The following IFI6 variants were observed in gnomAD, a reference collection of about 807,000 sequenced individuals.
The protein encoded by IFI6 is interferon alpha-inducible protein 6.
In IFI6, 10 loss-of-function variants were observed where a neutral mutation model predicts 12.7. The observed-to-expected ratio is 0.79, with a 90% CI of 0.49 to 1.33. The LOEUF is 1.33. Among genes scored for constraint, IFI6 ranks in the 40% most tolerant of loss-of-function variants. The probability of loss-of-function intolerance (pLI) is 0.00; values close to 1 mark genes in which losing one functional copy is unlikely to be tolerated. For synonymous variants in IFI6, 89 were observed against 86.2 expected (o/e 1.03, Z -0.18); for missense variants, 154 against 180.4 (o/e 0.85, Z 0.84).
rs1055953548 is a variant in IFI6, at chr1:27,666,261, G to A, written c.*120C>T. On this transcript the variant is annotated 3_prime_UTR_variant, in exon 5 of 5. Coordinates refer to ENST00000361157, the MANE Select transcript of IFI6 (RefSeq NM_002038.4). ...ATCTGTGAATAGCCACTGCACTCTA[G>A]CCTGGACAATATAGTGAGAACCCAT... 1 of 598,154 alleles carries A rather than the reference G, an allele frequency of 1.7e-6. No individual in the cohort carries two copies. Among genetic ancestry groups the A allele is most frequent in the Non-Finnish European group, 2.7e-6 (1 of 368,710 alleles). 37.1% of individuals were successfully genotyped at this position (598,154 alleles called of 1,614,324 possible).
chr1:27,667,272 AGT>A lies in IFI6; in HGVS notation c.299-799_299-798del, dbSNP rs2090359465. Among the ~76,000 whole-genome samples, 5 of 141,318 alleles carry A rather than the reference AGT, an allele frequency of 3.5e-5. 1 individual carries two copies. The Middle Eastern group carries it at 0.017, about 491-fold the overall frequency. 92.7% of individuals were successfully genotyped at this position (141,318 alleles called of 152,430 possible). Reference sequence around the variant, plus strand: ...AAAAAAAAAAAAAAAAAAAAAAGCCAGTGTGTGGCGGTATGCGCCTATAGTCC... The same window carrying A: ...AAAAAAAAAAAAAAAAAAAAAAGCCAGTGTGGCGGTATGCGCCTATAGTCC... On this transcript the variant is annotated intron_variant, in intron 4 of 4. Transcript: ENST00000361157.
Position 27,668,310 on chromosome 1 carries a change from C to T in IFI6, c.214G>A (p.Ala72Thr). Residue 72 changes from alanine to threonine, a missense_variant, in exon 4 of 5, where the codon GCT (alanine) becomes ACT (threonine). Transcript: ENST00000361157. ...GCAGACCAGCTCATCAGCGAGGCAG[C>T]CACCGAGTTGGCCGCGATGCCGGCG... ...TGAGIAANSV[A>T]ASLMSWSAIL... is the part of the protein sequence containing the mutation. 1 of 1,578,602 alleles carries T rather than the reference C, an allele frequency of 6.3e-7. No individual in the cohort carries two copies. Among genetic ancestry groups the T allele is most frequent in the South Asian group, 1.1e-5 (1 of 87,340 alleles).
chr1:27,671,715 A>G (rs1032918375), intron 1 of IFI6, among the ~76,000 whole-genome samples: 1 of 152,110 alleles, frequency 6.6e-6, no homozygotes, highest in African/African-American at 2.4e-5. Flanking sequence ...CAACCACTCC[A>G]GATGGCTTCA....
chr1:27,671,665 C>T (rs1323234091), intron 1 of IFI6, among the ~76,000 whole-genome samples: 1 of 151,362 alleles, frequency 6.6e-6, no homozygotes, highest in South Asian at 2.1e-4. Flanking sequence ...GGATTACAGG[C>T]GTGAACCACC....
intron 1 of IFI6, among the ~76,000 whole-genome samples, chr1:27,671,406 A>C (rs1044144873): frequency 3.0e-4 from 36 of 120,658 alleles, no homozygotes; most frequent in Non-Finnish European, 4.4e-4. Flanking sequence ...TTTGAGATGG[A>C]GTCTTTCTCT....
chr1:27,668,382 G>A lies in IFI6; in HGVS notation c.149-7C>T. On this transcript the variant is annotated splice_polypyrimidine_tract_variant and splice_region_variant and intron_variant, in intron 3 of 4. Transcript: ENST00000361157. ...AGCCCGGCGACTGCGAGTCCTGGAG[G>A]AACAGGAGCAGGTGAGGGAGCGTCC... 1 of 1,571,490 alleles carries A rather than the reference G, an allele frequency of 6.4e-7. No individual in the cohort carries two copies. Among genetic ancestry groups the A allele is most frequent in the Non-Finnish European group, 8.6e-7 (1 of 1,157,500 alleles).
chr1:27,667,387 C>A (rs945287634), intron 4 of IFI6, among the ~76,000 whole-genome samples: 1 of 151,958 alleles, frequency 6.6e-6, no homozygotes, highest in African/African-American at 2.4e-5. Context: ...TGCATTCCAA[C>A]CTGGCAGTGT....
chr1:27,666,383 ACTC>A lies in IFI6; in HGVS notation c.388_390del (p.Glu130del). 1.9e-6 allele frequency: 3 copies of A among 1,603,816 alleles called. No homozygotes were observed. The highest frequency in any genetic ancestry group is 2.6e-6 in the Non-Finnish European group (3 of 1,173,664). ...GAAGAGGTTCTGGGAGCTGCTGGCT[ACTC>A]CTCATCCTCCTCACTATCGAGATAC... On this transcript the variant is annotated inframe_deletion, in exon 5 of 5. Coordinates refer to ENST00000361157, the MANE Select transcript of IFI6 (RefSeq NM_002038.4).
chr1:27,670,612 T>G (rs1571435243), intron 1 of IFI6, among the ~76,000 whole-genome samples: 1 of 152,278 alleles, frequency 6.6e-6, no homozygotes, highest in East Asian at 1.9e-4. Flanking sequence ...TTATGGATAT[T>G]ACAAATGCTC....
In IFI6 at chr1:27,668,425, C is replaced by T. The variant is rs373346048; in HGVS notation, c.148+33G>A. The T allele has an allele frequency of 2.4e-4, 387 of 1,596,584 alleles. 6 individuals are homozygous for T. In the South Asian group the frequency reaches 3.7e-3, roughly 15 times the overall value. ...GAGCGTCCGCGGCAGAGGCCCGCCCCGCCTGCCCGAGATCCTCGCCCTCCA... is the reference window on the plus strand; with the variant it reads ...GAGCGTCCGCGGCAGAGGCCCGCCCTGCCTGCCCGAGATCCTCGCCCTCCA... On this transcript the variant is annotated intron_variant, in intron 3 of 4. Coordinates refer to ENST00000361157, the MANE Select transcript of IFI6 (RefSeq NM_002038.4).
chr1:27,667,797 G>A (rs553460840), intron 4 of IFI6, among the ~76,000 whole-genome samples: 3 of 152,318 alleles, frequency 2.0e-5, no homozygotes, highest in Admixed American at 6.5e-5. Context: ...CTGGCCGGAC[G>A]CGGTGACTCA....
chr1:27,666,319 G>GAAAAA lies in IFI6; in HGVS notation c.*61_*62insTTTTT. On this transcript the variant is annotated 3_prime_UTR_variant, in exon 5 of 5. Transcript: ENST00000361157. ...AAAAAAAAAAAAAAAAAAAGGCAAAGTTCTAGATCCTAACTGGAAGAGTTA... is the reference window on the plus strand; with the variant it reads ...AAAAAAAAAAAAAAAAAAAGGCAAAGAAAAATTCTAGATCCTAACTGGAAGAGTTA... 1.9e-6 allele frequency: 1 copy of GAAAAA among 513,992 alleles called. No individual in the cohort carries two copies. The highest frequency in any genetic ancestry group is 3.4e-6 in the Non-Finnish European group (1 of 294,320). 31.8% of individuals were successfully genotyped at this position (513,992 alleles called of 1,614,324 possible).
At position 27,668,464 on chromosome 1, in the gene IFI6, C is replaced by T. The variant is rs2090371096; in HGVS notation, c.142G>A (p.Gly48Arg). The change falls in exon 3 of 5, where the codon GGA becomes AGA. Residue 48 changes from glycine to arginine, a missense_variant. Physicochemically the swap from Gly to Arg is moderately radical, Grantham distance 125 (BLOSUM62 -2). Transcript: ENST00000361157. ...CCTCGCCCTCCAGACCCACCTCCTC[C>T]GACGGCCATGAAGGTCAGGGCCTTC... The part of the protein sequence containing the change: ...FWKALTFMAV[G>R]GGLAVAGLPA... The T allele has an allele frequency of 1.9e-6, 3 of 1,610,836 alleles. No homozygotes were observed. Among genetic ancestry groups the T allele is most frequent in the Non-Finnish European group, 2.5e-6 (3 of 1,178,632 alleles).
chr1:27,671,882 G>A (rs548197376), intron 1 of IFI6, among the ~76,000 whole-genome samples: 3 of 152,308 alleles, frequency 2.0e-5, no homozygotes, highest in Admixed American at 2.0e-4. Flanking sequence ...GCCACAGATC[G>A]CTGATATTGC....
Position 27,669,303 on chromosome 1 carries a change from C to A in IFI6, c.12G>T (p.Lys4Asn). 1 of 1,552,808 alleles carries A rather than the reference C, an allele frequency of 6.4e-7. No individual in the cohort carries two copies. The highest frequency in any genetic ancestry group is 1.2e-5 in the South Asian group (1 of 84,148). ...GGTAGCACAAGAAAAGCGATACCGCCTTCTGCCGCATGGTGGCGCCGCGCG... is the reference window on the plus strand; with the variant it reads ...GGTAGCACAAGAAAAGCGATACCGCATTCTGCCGCATGGTGGCGCCGCGCG... MRQ[K>N]AVSLFLCYLL... The change falls in exon 2 of 5, where the codon AAG becomes AAT. Residue 4 changes from lysine to asparagine, a missense_variant. By Grantham distance (94) the Lys-to-Asn change is moderately conservative. Transcript: ENST00000361157.
At position 27,666,556 on chromosome 1, in the gene IFI6, T is replaced by A; in HGVS notation, c.299-81A>T. On this transcript the variant is annotated intron_variant, in intron 4 of 4. Transcript: ENST00000361157. ...AAATGTCTGGAAACCATTGGTTGAG[T>A]CCAACCCCTTATGTCTAGATGGAGA... is the stretch of plus-strand genomic sequence containing the variant. 4.2e-6 allele frequency: 4 copies of A among 947,064 alleles called. 1 individual carries two copies. The highest frequency in any genetic ancestry group is 2.7e-5 in the South Asian group (2 of 73,048). 58.7% of individuals were successfully genotyped at this position (947,064 alleles called of 1,614,324 possible). A position where few individuals can be genotyped will look rare whatever the true frequency, so the allele number is the denominator to read the frequency against.
In IFI6 at chr1:27,668,217, C is replaced by T. The variant is rs530084732; in HGVS notation, c.298+9G>A. 124 of 1,511,916 alleles carry T rather than the reference C, an allele frequency of 8.2e-5. No homozygotes were observed. In the South Asian group the frequency reaches 1.5e-3, roughly 18 times the overall value. The allele number at this position is 1,511,916 out of a possible 1,614,324, so 93.7% of individuals were successfully genotyped here. On this transcript the variant is annotated intron_variant, in intron 4 of 4. Transcript: ENST00000361157. Reference sequence around the variant, plus strand: ...AACGTCCCACCAGGGGCCCAGGCCCCGCACTCACCGAGGCTCTGCAGCGTG... The same window carrying T: ...AACGTCCCACCAGGGGCCCAGGCCCTGCACTCACCGAGGCTCTGCAGCGTG...
chr1:27,671,241 G>T (rs61443010), intron 1 of IFI6, among the ~76,000 whole-genome samples: 6,255 of 152,182 alleles, frequency 0.041, 460 homozygotes, highest in African/African-American at 0.14. Context: ...CCACGAAGTA[G>T]GTACCATTGT....
chr1:27,669,069 AT>A (rs1294154855), intron 2 of IFI6, 175 bp downstream of exon 2: 11 of 661,390 alleles, frequency 1.7e-5, no homozygotes, highest in Admixed American at 6.8e-5. Flanking sequence ...CCTTACCTGC[AT>A]CCTTACCCGC....
Sources: gnomAD v4.1 joint callset for allele counts (sites outside exome capture counted in the v4.1 genomes callset) on GRCh38, gnomAD v4.1.1 for gene constraint, MANE v1.5 for transcripts, NCBI Gene and HGNC (gene_info 2026-07-23, HGNC 2026-07-21) for gene names.